Variants in SLIT3 observed in about 807,000 individuals in gnomAD.
SLIT3 encodes slit homolog 3 protein.
SLIT3 carries 68 observed loss-of-function variants against 184.0 expected under a neutral mutation model. The observed-to-expected ratio is 0.37, with a 90% CI of 0.30 to 0.45. The LOEUF is 0.45. SLIT3 is among the 20% of genes least tolerant of loss of function. The probability of loss-of-function intolerance (pLI) is 1.00; values close to 1 mark genes in which losing one functional copy is unlikely to be tolerated. For synonymous variants in SLIT3, 831 were observed against 828.6 expected (o/e 1.00, Z -0.05); for missense variants, 1,707 against 2,026.0 (o/e 0.84, Z 3.02).
chr5:169,004,801 T>C lies in SLIT3; in HGVS notation c.414-121465A>G, dbSNP rs151325506. 1.1e-3 allele frequency among the ~76,000 whole-genome samples: 160 copies of C among 152,236 alleles called. 3 individuals are homozygous for C. Among genetic ancestry groups the C allele is most frequent in the African/African-American group, 3.8e-3 (156 of 41,528 alleles). The stretch of plus-strand genomic sequence containing the variant: ...TAGGAAGGGTCCAGAGAGCTTGTTT[T>C]CTCTAGGCCATGTGACGATACAGCT... On this transcript the variant is annotated intron_variant, in intron 4 of 35. Transcript: ENST00000519560.
At chr5:168,737,749 A>T (rs576708144) in intron 20 of SLIT3, among the ~76,000 whole-genome samples, 1 of 152,328 alleles carries the variant, frequency 6.6e-6, no homozygotes, top group South Asian at 2.1e-4. Context: ...CGTTATGAAG[A>T]TGTAGGCTTT....
intron 3 of SLIT3, among the ~76,000 whole-genome samples, chr5:169,216,757 C>T (rs1764447162): frequency 6.6e-6 from 1 of 152,162 alleles, no homozygotes; most frequent in African/African-American, 2.4e-5. Flanking sequence ...GGAGGCAGCA[C>T]TTTCAGCCTG....
chr5:168,815,941 A>C (rs1757322801), intron 8 of SLIT3, among the ~76,000 whole-genome samples: 1 of 151,914 alleles, frequency 6.6e-6, no homozygotes, highest in Non-Finnish European at 1.5e-5. Context: ...TTGCATGCCA[A>C]CTCCCCAGAC....
chr5:168,982,222 G>T (rs1050548085), intron 4 of SLIT3, among the ~76,000 whole-genome samples: 1 of 152,190 alleles, frequency 6.6e-6, no homozygotes, highest in Admixed American at 6.5e-5. Flanking sequence ...GAAATTCCCA[G>T]TGTGGCAGTA....
At chr5:169,063,610 C>T (rs147816740) in intron 4 of SLIT3, among the ~76,000 whole-genome samples, 8 of 152,274 alleles carry the variant, frequency 5.3e-5, no homozygotes, top group East Asian at 1.9e-4. Flanking sequence ...CTCCCGTGTG[C>T]GTGAGTGAGA....
chr5:168,683,543 G>C (rs1209584742), intron 32 of SLIT3, among the ~76,000 whole-genome samples: 1 of 152,104 alleles, frequency 6.6e-6, no homozygotes, highest in Non-Finnish European at 1.5e-5. Flanking sequence ...CTAAGGGGTG[G>C]CCCTGCTCCC....
chr5:168,761,741 A>T (rs144093281), intron 15 of SLIT3, among the ~76,000 whole-genome samples: 2 of 152,002 alleles, frequency 1.3e-5, no homozygotes, highest in African/African-American at 4.8e-5. Context: ...TTAATTAAAA[A>T]AAATTTTTTT....
intron 20 of SLIT3, 43 bp from the exon 21 acceptor site, chr5:168,724,527 G>A: frequency 6.5e-7 from 1 of 1,549,644 alleles, no homozygotes; most frequent in East Asian, 2.3e-5. Flanking sequence ...AAGAGACACT[G>A]TACAAATTCT....
intron 14 of SLIT3, 88 bp from the exon 15 acceptor site, chr5:168,762,777 T>C: frequency 3.7e-6 from 5 of 1,351,478 alleles, no homozygotes; most frequent in Admixed American, 1.7e-5. Context: ...GAGACAGAGA[T>C]GGGGGAATGA....
At chr5:168,722,720 G>A (rs1222525623) in intron 22 of SLIT3, among the ~76,000 whole-genome samples, 2 of 152,226 alleles carry the variant, frequency 1.3e-5, no homozygotes, top group Admixed American at 6.5e-5. Flanking sequence ...CTTCAGAAGC[G>A]ACGAGGTTCT....
Position 168,727,048 on chromosome 5 carries a change from G to T in SLIT3, c.2271-2564C>A, listed in dbSNP as rs151195136. Among the ~76,000 whole-genome samples, 819 of 150,902 alleles carry T rather than the reference G, an allele frequency of 5.4e-3. 7 individuals are homozygous for T. The highest frequency in any genetic ancestry group is 9.5e-3 in the Non-Finnish European group (646 of 67,840). On this transcript the variant is annotated intron_variant, in intron 20 of 35. Transcript: ENST00000519560. ...AAAAAGAAATATGCTGGCTGGGCAC[G>T]GTGGCTCACTCTTGTAATCCCAGCA...
rs544747456 is a variant in SLIT3, at chr5:168,806,690, C to A, written c.794-103G>T. 4.2e-5 allele frequency: 57 copies of A among 1,342,072 alleles called. 1 individual carries two copies. In the African/African-American group the frequency reaches 6.8e-4, roughly 16 times the overall value. 83.1% of individuals were successfully genotyped at this position (1,342,072 alleles called of 1,614,324 possible). On this transcript the variant is annotated intron_variant, in intron 8 of 35. Transcript: ENST00000519560. ...CTAAGGGCAAAGCATGACCTGACAG[C>A]CATCTGAGAAATGATCACCAGCTGA...
intron 3 of SLIT3, among the ~76,000 whole-genome samples, chr5:169,222,615 T>A (rs550338783): frequency 5.8e-4 from 89 of 152,272 alleles, no homozygotes; most frequent in African/African-American, 2.1e-3. Context: ...CACCTCAGTT[T>A]TTGGTTCAAG....
intron 15 of SLIT3, among the ~76,000 whole-genome samples, chr5:168,761,443 C>T (rs1057080355): frequency 7.2e-5 from 11 of 152,078 alleles, no homozygotes; most frequent in South Asian, 2.1e-4. Flanking sequence ...GAGAGGACAA[C>T]AATAATAATA....
At chr5:169,079,817 G>GAGGGAAGGGGAA (rs1758930894) in intron 4 of SLIT3, among the ~76,000 whole-genome samples, 1 of 51,628 alleles carries the variant, frequency 1.9e-5, no homozygotes, top group Admixed American at 2.2e-4. Flanking sequence ...AAGGGGAAGA[G>GAGGGAAGGGGAA]GAGGAGGGAG....
intron 26 of SLIT3, among the ~76,000 whole-genome samples, chr5:168,701,784 A>T (rs1762224077): frequency 6.6e-6 from 1 of 152,142 alleles, no homozygotes; most frequent in Non-Finnish European, 1.5e-5. Flanking sequence ...CTTGGCACAG[A>T]CCTGGTGGAG....
chr5:168,912,406 G>A (rs534821351), intron 4 of SLIT3, among the ~76,000 whole-genome samples: 3 of 152,006 alleles, frequency 2.0e-5, no homozygotes, highest in Admixed American at 6.6e-5. Context: ...CCCCTATTTC[G>A]GTCAAGGGTC....
intron 3 of SLIT3, among the ~76,000 whole-genome samples, chr5:169,211,562 A>G (rs1436317419): frequency 4.6e-5 from 7 of 151,798 alleles, no homozygotes; most frequent in Non-Finnish European, 8.8e-5. Flanking sequence ...TTTACCTGCT[A>G]CTCCTGGAAC....
chr5:169,186,271 G>T (rs895620241), intron 4 of SLIT3, among the ~76,000 whole-genome samples: 1 of 152,126 alleles, frequency 6.6e-6, no homozygotes, highest in African/African-American at 2.4e-5. Context: ...AAGAAGAGGA[G>T]GAGACACCAG....
Sources: allele counts gnomAD v4.1 joint callset (sites outside exome capture counted in the v4.1 genomes callset), GRCh38; gene constraint gnomAD v4.1.1; transcripts MANE v1.5; gene names NCBI Gene and HGNC (gene_info 2026-07-23, HGNC 2026-07-21).